PCDHB13: variants seen among roughly 807,000 people sequenced by gnomAD.
PCDHB13 encodes the protein protocadherin beta-13.
For synonymous variants in PCDHB13, 515 were observed against 450.7 expected, an observed-to-expected ratio of 1.14 and a Z score of -1.81; for missense variants, 1,065 against 1,016.7, an observed-to-expected ratio of 1.05 and a Z score of -0.65.
chr5:141,214,886 G>T lies in PCDHB13; in HGVS notation c.763G>T (p.Asp255Tyr), dbSNP rs1754549151. 6.2e-7 allele frequency: 1 copy of T among 1,614,134 alleles called. No individual in the cohort carries two copies. Among genetic ancestry groups the T allele is most frequent in the Non-Finnish European group, 8.5e-7 (1 of 1,180,002 alleles). ...TTTCTATAGAGTGCAGATCTCTGAG[G>T]ACAGTCCGGTAGGCTTCCTGGTTGT... ...QPFYRVQISE[D>Y]SPVGFLVVKV... The change falls in exon 1 of 1, where the codon GAC becomes TAC. Residue 255 changes from aspartate to tyrosine, a missense_variant. Transcript: ENST00000341948.
In PCDHB13 at chr5:141,215,606, G is replaced by A. The variant is rs1298022737; in HGVS notation, c.1483G>A (p.Asp495Asn). ...CACCTACTCGCTGCTGCCGCCCCAGGACCCGCACCTGCCCCTCACATCCCT... is the reference window on the plus strand; with the variant it reads ...CACCTACTCGCTGCTGCCGCCCCAGAACCCGCACCTGCCCCTCACATCCCT... ...QVTYSLLPPQ[D>N]PHLPLTSLVS... is the part of the protein sequence containing the mutation. Residue 495 changes from aspartate to asparagine, a missense_variant, in exon 1 of 1, where the codon GAC becomes AAC. By Grantham distance (23) the Asp-to-Asn change is conservative. Coordinates refer to ENST00000341948, the MANE Select transcript of PCDHB13 (RefSeq NM_018933.4). The A allele has an allele frequency of 6.8e-6, 11 of 1,613,232 alleles. No homozygotes were observed. Among genetic ancestry groups the A allele is most frequent in the African/African-American group, 1.3e-5 (1 of 74,904 alleles).
chr5:141,215,383 T>C lies in PCDHB13; in HGVS notation c.1260T>C (p.Thr420=), dbSNP rs1554287887. Residue 420 remains threonine, a synonymous_variant, in exon 1 of 1, where the codon ACT becomes ACC. Coordinates refer to ENST00000341948, the MANE Select transcript of PCDHB13 (RefSeq NM_018933.4). ...DRESRAEYNI[T]ITVTDLGTPM... ...AAAGCAGAGCGGAATACAACATCACTATCACTGTCACTGACTTGGGGACCC... is the reference window on the plus strand; with the variant it reads ...AAAGCAGAGCGGAATACAACATCACCATCACTGTCACTGACTTGGGGACCC... 6.2e-7 allele frequency: 1 copy of C among 1,614,138 alleles called. No homozygotes were observed. The highest frequency in any genetic ancestry group is 1.7e-5 in the Admixed American group (1 of 60,022).
In PCDHB13 at chr5:141,214,596, C is replaced by A. The variant is rs547293162; in HGVS notation, c.473C>A (p.Ala158Asp). The stretch of plus-strand genomic sequence containing the variant: ...GGGACTACGTTTCCTCTGAAGAATG[C>A]CGAAGACTTAGATGTAGGCCAAAAC... ...PPGTTFPLKN[A>D]EDLDVGQNNI... The change falls in exon 1 of 1, where the codon GCC becomes GAC. Residue 158 changes from alanine (A) to aspartate (D), a missense_variant. Coordinates refer to ENST00000341948, the MANE Select transcript of PCDHB13 (RefSeq NM_018933.4). 4.3e-6 allele frequency: 7 copies of A among 1,614,196 alleles called. No individual in the cohort carries two copies. Among genetic ancestry groups the A allele is most frequent in the East Asian group, 2.2e-5 (1 of 44,882 alleles).
chr5:141,215,409 CT>C lies in PCDHB13; in HGVS notation c.1287del (p.Met430CysfsTer2). ...ITITVTDLGT[P>X]MLITQLNMTV... ...ATCACTGTCACTGACTTGGGGACCC[CT>C]ATGCTGATAACACAGCTCAATATGA... On this transcript the variant is annotated frameshift_variant, in exon 1 of 1. Coordinates refer to ENST00000341948, the MANE Select transcript of PCDHB13 (RefSeq NM_018933.4). LOFTEE classifies it low-confidence loss of function (END_TRUNC). 6.2e-7 allele frequency: 1 copy of C among 1,614,172 alleles called. No individual in the cohort carries two copies. Among genetic ancestry groups the C allele is most frequent in the Non-Finnish European group, 8.5e-7 (1 of 1,180,038 alleles).
At position 141,215,842 on chromosome 5, in the gene PCDHB13, C is replaced by A; in HGVS notation, c.1719C>A (p.Thr573=). 1 of 1,609,124 alleles carries A rather than the reference C, an allele frequency of 6.2e-7. No individual in the cohort carries two copies. ...TGCAGAACGGCTCCGCGCCCTGCACCGAGCTGGTGCCCCGGGCGGCCGAGC... is the reference window on the plus strand; with the variant it reads ...TGCAGAACGGCTCCGCGCCCTGCACAGAGCTGGTGCCCCGGGCGGCCGAGC... ...YPLQNGSAPC[T]ELVPRAAEPG... is the part of the protein sequence containing the mutation. The change falls in exon 1 of 1, where the codon ACC becomes ACA. Residue 573 remains threonine, a synonymous_variant. Transcript: ENST00000341948.
rs10056934 is a variant in PCDHB13 at position 141,218,594 on chromosome 5, C to G, written c.*2074C>G. The stretch of plus-strand genomic sequence containing the variant: ...GCCGGGACCACAGGCACATGCCACC[C>G]CCCACAGCTATTTTTGTTTGTTTGT... On this transcript the variant is annotated 3_prime_UTR_variant, in exon 1 of 1. Transcript: ENST00000341948. 1 of 152,614 alleles carries G rather than the reference C, an allele frequency of 6.6e-6. No individual in the cohort carries two copies. The highest frequency in any genetic ancestry group is 2.4e-5 in the African/African-American group (1 of 41,202). The allele number at this position is 152,614 out of a possible 1,614,324, so 9.5% of individuals were successfully genotyped here.
rs782638775 is a variant in PCDHB13 at position 141,216,880 on chromosome 5, T to G, written c.*360T>G. On this transcript the variant is annotated 3_prime_UTR_variant, in exon 1 of 1. Transcript: ENST00000341948. ...ATTCCAATTTTCCAGCATTTCTTCA[T>G]TTGATTCTCTTTTTTTAGTCTTAAA... is the stretch of plus-strand genomic sequence containing the variant. 98 of 315,442 alleles carry G rather than the reference T, an allele frequency of 3.1e-4. No individual in the cohort carries two copies. Among genetic ancestry groups the G allele is most frequent in the Middle Eastern group, 2.2e-3 (2 of 896 alleles). 19.5% of individuals were successfully genotyped at this position (315,442 alleles called of 1,614,324 possible).
rs191526445 is a variant in PCDHB13, at chr5:141,217,873, G to C, written c.*1353G>C. ...AGAGAGAGAGAAAGCATGGAAAAGA[G>C]GAAATTCATGGGGATGAGCAAAATG... On this transcript the variant is annotated 3_prime_UTR_variant, in exon 1 of 1. Coordinates refer to ENST00000341948, the MANE Select transcript of PCDHB13 (RefSeq NM_018933.4). 5.4e-3 allele frequency: 896 copies of C among 167,202 alleles called. 5 individuals are homozygous for C. Among genetic ancestry groups the C allele is most frequent in the South Asian group, 6.8e-3 (33 of 4,826 alleles). 10.4% of individuals were successfully genotyped at this position (167,202 alleles called of 1,614,324 possible).
rs375902754 is a variant in PCDHB13, at chr5:141,214,235, G to C, written c.112G>C (p.Glu38Gln). 96 of 1,596,382 alleles carry C rather than the reference G, an allele frequency of 6.0e-5. No individual in the cohort carries two copies. Among genetic ancestry groups the C allele is most frequent in the Non-Finnish European group, 7.9e-5 (92 of 1,166,760 alleles). ...GGAACCTAGAAGCTATTCTGTGGTG[G>C]AGGAAACTGAGGGCAGCTCCTTTGT... ...AAEPRSYSVV[E>Q]ETEGSSFVTN... The change falls in exon 1 of 1, where the codon GAG (glutamate) becomes CAG (glutamine). Residue 38 changes from glutamate to glutamine, a missense_variant. Physicochemically the swap from Glu to Gln is conservative, Grantham distance 29. Coordinates refer to ENST00000341948, the MANE Select transcript of PCDHB13 (RefSeq NM_018933.4).
chr5:141,217,482 A>G lies in PCDHB13; in HGVS notation c.*962A>G, dbSNP rs1216265273. 1 of 167,028 alleles carries G rather than the reference A, an allele frequency of 6.0e-6. No homozygotes were observed. The highest frequency in any genetic ancestry group is 2.4e-5 in the African/African-American group (1 of 41,392). 10.3% of individuals were successfully genotyped at this position (167,028 alleles called of 1,614,324 possible). A position where few individuals can be genotyped will look rare whatever the true frequency, so the allele number is the denominator to read the frequency against. On this transcript the variant is annotated 3_prime_UTR_variant, in exon 1 of 1. Transcript: ENST00000341948. ...TATATTTCATTCTATTCAATTTTCA[A>G]ATGTGGTCATGATCCACTAAATTTA...
Position 141,216,355 on chromosome 5 carries a change from C to A in PCDHB13, c.2232C>A (p.Thr744=). The change falls in exon 1 of 1, where the codon ACC becomes ACA. Residue 744 remains threonine (T), a synonymous_variant. Coordinates refer to ENST00000341948, the MANE Select transcript of PCDHB13 (RefSeq NM_018933.4). ...TTGTGGACATGAGCGGCACCAGGAC[C>A]CTATCCCAGAGCTACCAGTATGAGG... ...GHLVDMSGTR[T]LSQSYQYEVC... 1 of 1,614,148 alleles carries A rather than the reference C, an allele frequency of 6.2e-7. No homozygotes were observed.
chr5:141,214,666 C>T lies in PCDHB13; in HGVS notation c.543C>T (p.Val181=), dbSNP rs1554287684. Residue 181 remains valine (V), a synonymous_variant, in exon 1 of 1, where the codon GTC becomes GTT. Coordinates refer to ENST00000341948, the MANE Select transcript of PCDHB13 (RefSeq NM_018933.4). ...TCAGCCCCAACTCCTATTTTCGGGT[C>T]CTCACCCGCAAACGCAGTGATGGCA... ...YIISPNSYFR[V]LTRKRSDGRK... The T allele has an allele frequency of 4.3e-6, 7 of 1,614,054 alleles. No homozygotes were observed. The South Asian group carries it at 6.6e-5, about 15-fold the overall frequency.
chr5:141,215,450 G>A lies in PCDHB13; in HGVS notation c.1327G>A (p.Asp443Asn), dbSNP rs782298061. The A allele has an allele frequency of 8.1e-6, 13 of 1,614,006 alleles. No individual in the cohort carries two copies. In the East Asian group the frequency reaches 8.9e-5, roughly 11 times the overall value. Reference protein sequence around the residue: ...TQLNMTVLIADVNDNAPAFTQ... With the variant: ...TQLNMTVLIANVNDNAPAFTQ... ...GCTCAATATGACCGTGCTGATCGCC[G>A]ATGTCAATGACAACGCTCCCGCCTT... Residue 443 changes from aspartate to asparagine, a missense_variant, in exon 1 of 1, where the codon GAT becomes AAT. Asp to Asn is a conservative substitution (Grantham distance 23). Coordinates refer to ENST00000341948, the MANE Select transcript of PCDHB13 (RefSeq NM_018933.4).
In PCDHB13 at chr5:141,216,651, C is replaced by A; in HGVS notation, c.*131C>A. 2 of 896,168 alleles carry A rather than the reference C, an allele frequency of 2.2e-6. No homozygotes were observed. The highest frequency in any genetic ancestry group is 2.4e-5 in the East Asian group (1 of 41,336). The allele number at this position is 896,168 out of a possible 1,614,324, so 55.5% of individuals were successfully genotyped here. Reference sequence around the variant, plus strand: ...TTGATTTTTCTCATGTTCTTTCTCCCTTTGTTTTAAAGTGAACATTTACCT... The same window carrying A: ...TTGATTTTTCTCATGTTCTTTCTCCATTTGTTTTAAAGTGAACATTTACCT... On this transcript the variant is annotated 3_prime_UTR_variant, in exon 1 of 1. Transcript: ENST00000341948.
chr5:141,217,809 T>C lies in PCDHB13; in HGVS notation c.*1289T>C, dbSNP rs782607560. On this transcript the variant is annotated 3_prime_UTR_variant, in exon 1 of 1. Transcript: ENST00000341948. ...GGGAGAAAAATGTAGAATAACAAAA[T>C]GAGTAAAAGTATAGAGGCAAAACAA... 2.4e-5 allele frequency: 4 copies of C among 166,666 alleles called. No individual in the cohort carries two copies. Among genetic ancestry groups the C allele is most frequent in the African/African-American group, 2.4e-5 (1 of 41,234 alleles). 10.3% of individuals were successfully genotyped at this position (166,666 alleles called of 1,614,324 possible).
Position 141,215,372 on chromosome 5 carries a change from TACA to T in PCDHB13, c.1253_1255del (p.Asn418del), listed in dbSNP as rs1554287884. The T allele has an allele frequency of 1.2e-6, 2 of 1,614,174 alleles. No homozygotes were observed. Among genetic ancestry groups the T allele is most frequent in the East Asian group, 2.2e-5 (1 of 44,880 alleles). ...ACTAGACAGAGAAAGCAGAGCGGAA[TACA>T]ACATCACTATCACTGTCACTGACTT... On this transcript the variant is annotated inframe_deletion, in exon 1 of 1. Coordinates refer to ENST00000341948, the MANE Select transcript of PCDHB13 (RefSeq NM_018933.4).
chr5:141,215,680 G>A lies in PCDHB13; in HGVS notation c.1557G>A (p.Leu519=). 2 of 1,613,142 alleles carry A rather than the reference G, an allele frequency of 1.2e-6. No individual in the cohort carries two copies. Among genetic ancestry groups the A allele is most frequent in the Non-Finnish European group, 1.7e-6 (2 of 1,179,956 alleles). ...GCCACCTGTTCGCCCTCAGGTCTCTGGACTACGAGGCCCTGCAGGGGTTCC... is the reference window on the plus strand; with the variant it reads ...GCCACCTGTTCGCCCTCAGGTCTCTAGACTACGAGGCCCTGCAGGGGTTCC... ...DNGHLFALRS[L]DYEALQGFQF... Residue 519 remains leucine, a synonymous_variant, in exon 1 of 1, where the codon CTG becomes CTA. Coordinates refer to ENST00000341948, the MANE Select transcript of PCDHB13 (RefSeq NM_018933.4).
Position 141,214,580 on chromosome 5 carries a change from T to C in PCDHB13, c.457T>C (p.Phe153Leu). Residue 153 changes from phenylalanine (F) to leucine (L), a missense_variant, in exon 1 of 1, where the codon TTT (phenylalanine) becomes CTT (leucine). Transcript: ENST00000341948. The part of the protein sequence containing the change: ...VSESSPPGTT[F>L]PLKNAEDLDV... Reference sequence around the variant, plus strand: ...AGAGAGCAGTCCTCCTGGGACTACGTTTCCTCTGAAGAATGCCGAAGACTT... The same window carrying C: ...AGAGAGCAGTCCTCCTGGGACTACGCTTCCTCTGAAGAATGCCGAAGACTT... The C allele has an allele frequency of 6.2e-7, 1 of 1,614,212 alleles. No individual in the cohort carries two copies. The highest frequency in any genetic ancestry group is 8.5e-7 in the Non-Finnish European group (1 of 1,180,044).
At position 141,215,403 on chromosome 5, in the gene PCDHB13, G is replaced by A. The variant is rs1563987140; in HGVS notation, c.1280G>A (p.Gly427Glu). The A allele has an allele frequency of 6.2e-7, 1 of 1,614,104 alleles. No individual in the cohort carries two copies. Among genetic ancestry groups the A allele is most frequent in the Non-Finnish European group, 8.5e-7 (1 of 1,180,002 alleles). Reference protein sequence around the residue: ...YNITITVTDLGTPMLITQLNM... With the variant: ...YNITITVTDLETPMLITQLNM... ...ATCACTATCACTGTCACTGACTTGG[G>A]GACCCCTATGCTGATAACACAGCTC... The change falls in exon 1 of 1, where the codon GGG becomes GAG. Residue 427 changes from glycine (G) to glutamate (E), a missense_variant. By Grantham distance (98) the Gly-to-Glu change is moderately conservative. Coordinates refer to ENST00000341948, the MANE Select transcript of PCDHB13 (RefSeq NM_018933.4).
Sources: allele counts gnomAD v4.1 joint callset, GRCh38; gene constraint gnomAD v4.1.1; transcripts MANE v1.5; gene names NCBI Gene and HGNC (gene_info 2026-07-23, HGNC 2026-07-21).